Variants in PSMB9 observed in about 807,000 individuals in gnomAD.
PSMB9 encodes proteasome subunit beta type-9.
PSMB9 carries 16 observed loss-of-function variants against 26.9 expected under a neutral mutation model. The ratio of observed to expected loss-of-function variants is 0.59; its 90% CI spans 0.40 to 0.90. The LOEUF (loss-of-function observed/expected upper bound fraction) is 0.90, where lower values mean the gene tolerates loss of function less well. Ranked by LOEUF, PSMB9 falls within the 40% of genes least tolerant of loss-of-function variation. The pLI, the probability that PSMB9 is intolerant of heterozygous loss-of-function variation, is 0.00. For missense variants in PSMB9, 253 were observed against 292.2 expected (o/e 0.87, Z 0.98); for synonymous variants, 91 against 112.0 (o/e 0.81, Z 1.18).
Position 32,859,599 on chromosome 6 carries a change from T to A in PSMB9, c.*67T>A, listed in dbSNP as rs978894327. The stretch of plus-strand genomic sequence containing the variant: ...CTAGGGCCAAAACCTGGTATGGTCA[T>A]TGGGAAATGAGTGCTCAGGGAGATG... On this transcript the variant is annotated 3_prime_UTR_variant, in exon 6 of 6. Transcript: ENST00000374859. 47 of 1,559,716 alleles carry A rather than the reference T, an allele frequency of 3.0e-5. No individual in the cohort carries two copies. Among genetic ancestry groups the A allele is most frequent in the Non-Finnish European group, 3.8e-5 (44 of 1,143,660 alleles).
chr6:32,859,291 A>G, intron 5 of PSMB9, 114 bp from the exon 6 acceptor site: 1 of 1,306,396 alleles, frequency 7.7e-7, no homozygotes. Flanking sequence ...CCTTCCTGGA[A>G]GATGAGTTTT....
chr6:32,857,593 G>A, intron 3 of PSMB9, 199 bp downstream of exon 3: 1 of 596,406 alleles, frequency 1.7e-6, no homozygotes, highest in Non-Finnish European at 2.8e-6. Flanking sequence ...CGGTTATTTT[G>A]AGAACCACAT....
chr6:32,854,300 TG>T lies in PSMB9; in HGVS notation c.60+14del. The T allele has an allele frequency of 6.7e-7, 1 of 1,481,764 alleles. No individual in the cohort carries two copies. The highest frequency in any genetic ancestry group is 8.9e-7 in the Non-Finnish European group (1 of 1,118,630). 91.8% of individuals were successfully genotyped at this position (1,481,764 alleles called of 1,614,324 possible). ...GAAGTCCACACCGGGGTAATGGGTC[TG>T]GGCTTGAGGGTTGGCAGAGGGGTGG... On this transcript the variant is annotated intron_variant, in intron 1 of 5. Coordinates refer to ENST00000374859, the MANE Select transcript of PSMB9 (RefSeq NM_002800.5). The surrounding 1 kb of genome is among the most constrained non-coding windows in gnomAD (Gnocchi z 4.6).
At position 32,859,397 on chromosome 6, in the gene PSMB9, C is replaced by T. The variant is rs1446922376; in HGVS notation, c.533-8C>T. 1 of 1,608,852 alleles carries T rather than the reference C, an allele frequency of 6.2e-7. No homozygotes were observed. The highest frequency in any genetic ancestry group is 8.5e-7 in the Non-Finnish European group (1 of 1,177,702). ...CTCTCCCTCTCTCCAACTTGAAACCCTCTGCAGCTATTGCTCTGGCCATGA... is the reference window on the plus strand; with the variant it reads ...CTCTCCCTCTCTCCAACTTGAAACCTTCTGCAGCTATTGCTCTGGCCATGA... On this transcript the variant is annotated splice_polypyrimidine_tract_variant and splice_region_variant and intron_variant, in intron 5 of 5. Transcript: ENST00000374859.
chr6:32,856,164 C>CG lies in PSMB9; in HGVS notation c.92dup (p.Val32ArgfsTer6). ...CCACCATCATGGCAGTGGAGTTTGA[C>CG]GGGGGCGTTGTGATGGGTTCTGATT... On this transcript the variant is annotated frameshift_variant, in exon 2 of 6. Transcript: ENST00000374859. LOFTEE classifies it high-confidence loss of function. 1 of 1,612,952 alleles carries CG rather than the reference C, an allele frequency of 6.2e-7. No homozygotes were observed. The highest frequency in any genetic ancestry group is 1.3e-5 in the African/African-American group (1 of 74,990).
rs560987199 is a variant in PSMB9 at position 32,858,478 on chromosome 6, G to A, written c.505G>A (p.Glu169Lys). The A allele has an allele frequency of 1.7e-5, 27 of 1,612,992 alleles. 1 individual carries two copies. In the South Asian group the frequency reaches 2.0e-4, roughly 12 times the overall value. The change falls in exon 5 of 6, where the codon GAG (glutamate) becomes AAG (lysine). Residue 169 changes from glutamate to lysine, a missense_variant. Glu to Lys is a moderately conservative substitution (Grantham distance 56). Transcript: ENST00000374859. The surrounding 1 kb of genome is among the most constrained non-coding windows in gnomAD (Gnocchi z 5.2). ...AGCATATAAGCCAGGCATGTCTCCC[G>A]AGGAGTGCAGGCGCTTCACCACAGA... ...DAAYKPGMSP[E>K]ECRRFTTDAI...
chr6:32,857,620 G>T, intron 3 of PSMB9: 1 of 540,200 alleles, frequency 1.9e-6, no homozygotes. Context: ...TGTGAACACA[G>T]TTTAAAAGCT....
At chr6:32,859,067 A>AG (rs1771316512) in intron 5 of PSMB9, among the ~76,000 whole-genome samples, 1 of 151,010 alleles carries the variant, frequency 6.6e-6, no homozygotes, top group South Asian at 2.1e-4. Context: ...AAAAAAAAAA[A>AG]AAAAGAACCA....
chr6:32,856,246 A>G, intron 2 of PSMB9, 41 bp downstream of exon 2: 1 of 1,560,862 alleles, frequency 6.4e-7, no homozygotes, highest in Non-Finnish European at 8.8e-7. Context: ...AAAGAAGCTA[A>G]TGGCCTCAAA....
intron 3 of PSMB9, 107 bp from the exon 4 acceptor site, chr6:32,857,898 C>G: frequency 7.5e-7 from 1 of 1,329,746 alleles, no homozygotes; most frequent in South Asian, 1.3e-5. Context: ...GCAGTTTGAG[C>G]TATTGCAGTT....
rs539759382 is a variant in PSMB9, at chr6:32,857,414, T to G, written c.260+20T>G. On this transcript the variant is annotated intron_variant, in intron 3 of 5. Transcript: ENST00000374859. ...CCATGGGTATGAAGCTCTGGAGTTC[T>G]GACTCCCCACCCACTAGAGCTCCCC... 3 of 1,609,056 alleles carry G rather than the reference T, an allele frequency of 1.9e-6. No homozygotes were observed. The highest frequency in any genetic ancestry group is 2.2e-5 in the South Asian group (2 of 90,748).
rs1771047155 is a variant in PSMB9 at position 32,854,377 on chromosome 6, G to A, written c.60+88G>A. 6 of 1,283,482 alleles carry A rather than the reference G, an allele frequency of 4.7e-6. No individual in the cohort carries two copies. The highest frequency in any genetic ancestry group is 6.2e-6 in the Non-Finnish European group (6 of 961,634). 79.5% of individuals were successfully genotyped at this position (1,283,482 alleles called of 1,614,324 possible). On this transcript the variant is annotated intron_variant, in intron 1 of 5. Transcript: ENST00000374859. The surrounding 1 kb of genome is among the most constrained non-coding windows in gnomAD (Gnocchi z 4.6). ...TGGAAGCGCGCGCGGAGAAGTGAAT[G>A]CAGAGACCAACGGGAGCGCAGGGAG...
Position 32,856,213 on chromosome 6 carries a change from A to C in PSMB9, c.128+8A>C. ...TTCCCGAGTGTCTGCAGGGTGAGTAAAAGTGAAGATGTATGCATTTGGAAA... is the reference window on the plus strand; with the variant it reads ...TTCCCGAGTGTCTGCAGGGTGAGTACAAGTGAAGATGTATGCATTTGGAAA... On this transcript the variant is annotated splice_region_variant and intron_variant, in intron 2 of 5. Coordinates refer to ENST00000374859, the MANE Select transcript of PSMB9 (RefSeq NM_002800.5). 1 of 1,610,784 alleles carries C rather than the reference A, an allele frequency of 6.2e-7. No homozygotes were observed. The highest frequency in any genetic ancestry group is 8.5e-7 in the Non-Finnish European group (1 of 1,178,052).
At chr6:32,857,602 A>G (rs2071476) in intron 3 of PSMB9, 248,393 of 566,432 alleles carry the variant, frequency 0.44, 55,141 homozygotes, top group Middle Eastern at 0.53. Context: ...TGAGAACCAC[A>G]TTCTATATGT....
At chr6:32,857,738 A>T in intron 3 of PSMB9, 1 of 557,564 alleles carries the variant, frequency 1.8e-6, no homozygotes, top group South Asian at 2.5e-5. Flanking sequence ...GACGGAAGTA[A>T]CCTTATCTGC....
Position 32,857,373 on chromosome 6 carries a change from C to T in PSMB9, c.239C>T (p.Ala80Val), listed in dbSNP as rs1478704562. 1.9e-5 allele frequency: 31 copies of T among 1,612,440 alleles called. No homozygotes were observed. Among genetic ancestry groups the T allele is most frequent in the Non-Finnish European group, 2.6e-5 (31 of 1,180,012 alleles). ...ADAQAVADMA[A>V]YQLELHGIEL... is the part of the protein sequence containing the mutation. ...GCCCAAGCCGTGGCCGACATGGCCGCCTACCAGCTGGAGCTCCATGGGTAT... is the reference window on the plus strand; with the variant it reads ...GCCCAAGCCGTGGCCGACATGGCCGTCTACCAGCTGGAGCTCCATGGGTAT... The change falls in exon 3 of 6, where the codon GCC (alanine) becomes GTC (valine). Residue 80 changes from alanine (A) to valine (V), a missense_variant. Coordinates refer to ENST00000374859, the MANE Select transcript of PSMB9 (RefSeq NM_002800.5).
rs1185223297 is a variant in PSMB9, at chr6:32,854,513, A to G, written c.60+224A>G. On this transcript the variant is annotated intron_variant, in intron 1 of 5. Transcript: ENST00000374859. This position sits in a 1 kb window ranked among gnomAD's most constrained non-coding sequence, Gnocchi z 4.6. ...GGGAACAGGCACGCGAGGCTGGTGG[A>G]AAAAGCGGGTGCTTTGACTCTTAGC... Among the ~76,000 whole-genome samples the G allele has an allele frequency of 1.3e-5, 2 of 152,052 alleles. No individual in the cohort carries two copies. The highest frequency in any genetic ancestry group is 6.5e-5 in the Admixed American group (1 of 15,268).
In PSMB9 at chr6:32,854,376, T is replaced by G; in HGVS notation, c.60+87T>G. ...CTGGAAGCGCGCGCGGAGAAGTGAATGCAGAGACCAACGGGAGCGCAGGGA... is the reference window on the plus strand; with the variant it reads ...CTGGAAGCGCGCGCGGAGAAGTGAAGGCAGAGACCAACGGGAGCGCAGGGA... On this transcript the variant is annotated intron_variant, in intron 1 of 5. Coordinates refer to ENST00000374859, the MANE Select transcript of PSMB9 (RefSeq NM_002800.5). The surrounding 1 kb of genome is among the most constrained non-coding windows in gnomAD (Gnocchi z 4.6). 5.6e-6 allele frequency: 7 copies of G among 1,252,060 alleles called. No individual in the cohort carries two copies. The highest frequency in any genetic ancestry group is 2.9e-5 in the East Asian group (1 of 34,698). 77.6% of individuals were successfully genotyped at this position (1,252,060 alleles called of 1,614,324 possible).
At position 32,857,852 on chromosome 6, in the gene PSMB9, G is replaced by A. The variant is rs55704283; in HGVS notation, c.261-153G>A. 1.3e-4 allele frequency: 103 copies of A among 806,276 alleles called. 1 individual carries two copies. The highest frequency in any genetic ancestry group is 1.2e-3 in the South Asian group (65 of 56,180). The allele number at this position is 806,276 out of a possible 1,614,324, so 49.9% of individuals were successfully genotyped here. On this transcript the variant is annotated intron_variant, in intron 3 of 5. Coordinates refer to ENST00000374859, the MANE Select transcript of PSMB9 (RefSeq NM_002800.5). ...AAGCTTCTTACCAGTTGGTGGTGTG[G>A]GACTCTGGTTCCCCTGTACATGTGG... is the stretch of plus-strand genomic sequence containing the variant.
Sources: allele counts gnomAD v4.1 joint callset (sites outside exome capture counted in the v4.1 genomes callset), GRCh38; gene constraint gnomAD v4.1.1; non-coding constraint Gnocchi (gnomAD v3.1); transcripts MANE v1.5; gene names NCBI Gene and HGNC (gene_info 2026-07-23, HGNC 2026-07-21).